The following PCDH15 variants were observed in gnomAD, a reference collection of about 807,000 sequenced individuals.
PCDH15 encodes protocadherin-15.
PCDH15 carries 129 observed loss-of-function variants against 178.5 expected under a neutral mutation model. The ratio of observed to expected loss-of-function variants is 0.72; its 90% confidence interval spans 0.63 to 0.84. The LOEUF (loss-of-function observed/expected upper bound fraction) is 0.84, where lower values mean the gene tolerates loss of function less well. PCDH15 is among the 40% of genes least tolerant of loss of function. The probability of loss-of-function intolerance (pLI) is 0.00; values close to 1 mark genes in which losing one functional copy is unlikely to be tolerated. For synonymous variants in PCDH15, 800 were observed against 732.0 expected, an observed-to-expected ratio of 1.09 and a Z score of -1.50; for missense variants, 2,230 against 2,099.9, an observed-to-expected ratio of 1.06 and a Z score of -1.21.
At chr10:53,982,383 C>T (rs191085420) in intron 21 of PCDH15, among the ~76,000 whole-genome samples, 2,177 of 152,002 alleles carry the variant, frequency 0.014, 62 homozygotes, top group East Asian at 0.12. Context: ...ATGTTTATTG[C>T]GGCACTATTC....
chr10:55,160,628 C>G (rs1839040773), intron 2 of PCDH15, among the ~76,000 whole-genome samples: 1 of 151,984 alleles, frequency 6.6e-6, no homozygotes, highest in South Asian at 2.1e-4. Flanking sequence ...TCTTCAGCAC[C>G]TTTGCATTTC....
intron 2 of PCDH15, among the ~76,000 whole-genome samples, chr10:55,135,923 C>T (rs1191084538): frequency 2.0e-5 from 3 of 152,056 alleles, no homozygotes; most frequent in African/African-American, 7.2e-5. Flanking sequence ...TTGTATATAG[C>T]ATCTTGAATC....
intron 2 of PCDH15, among the ~76,000 whole-genome samples, chr10:55,165,202 G>A (rs1185640014): frequency 6.6e-6 from 1 of 151,918 alleles, no homozygotes; most frequent in Non-Finnish European, 1.5e-5. Context: ...AACAAACGAT[G>A]AAATTATAAC....
intron 2 of PCDH15, among the ~76,000 whole-genome samples, chr10:55,471,076 T>C (rs1419143605): frequency 1.3e-5 from 2 of 152,166 alleles, no homozygotes; most frequent in African/African-American, 4.8e-5. Context: ...AAACGATATA[T>C]TGGTTGTTTC....
rs1256205325 is a variant in PCDH15, at chr10:54,068,965, C to A, written c.2092-2080G>T. Among the ~76,000 whole-genome samples the A allele has an allele frequency of 3.9e-5, 6 of 152,258 alleles. No individual in the cohort carries two copies. The East Asian group carries it at 1.2e-3, about 29-fold the overall frequency. On this transcript the variant is annotated intron_variant, in intron 17 of 37. Transcript: ENST00000644397. ...CAAGTGCTACTTGACTAGATGGAAT[C>A]CAGATCATTTCATTTTCCTCGTTAC...
chr10:53,810,590 A>T lies in PCDH15; in HGVS notation c.4637T>A (p.Val1546Asp). 6.2e-7 allele frequency: 1 copy of T among 1,613,798 alleles called. No homozygotes were observed. Among genetic ancestry groups the T allele is most frequent in the Non-Finnish European group, 8.5e-7 (1 of 1,179,812 alleles). The stretch of plus-strand genomic sequence containing the variant: ...CTCATATTCTTCCTCAGCTTCACCA[A>T]CCACCTCACCATATTCCTCCTGTCC... ...PAGQEEYGEV[V>D]GEAEEEYEEE... The change falls in exon 37 of 38, where the codon GTT (valine) becomes GAT (aspartate). Residue 1546 changes from valine (V) to aspartate (D), a missense_variant. Physicochemically the swap from Val to Asp is radical, Grantham distance 152. Coordinates refer to ENST00000644397, the MANE Select transcript of PCDH15 (RefSeq NM_001384140.1).
chr10:54,934,827 C>G (rs992293540), intron 2 of PCDH15, among the ~76,000 whole-genome samples: 2 of 151,776 alleles, frequency 1.3e-5, no homozygotes, highest in African/African-American at 2.4e-5. Flanking sequence ...TTGGAACCAA[C>G]CCAAATGTCC....
chr10:54,462,676 CTTAA>C (rs2077267517), intron 3 of PCDH15, among the ~76,000 whole-genome samples: 1 of 103,910 alleles, frequency 9.6e-6, no homozygotes, highest in Non-Finnish European at 1.9e-5. Context: ...ACCACACCTG[CTTAA>C]TTTTTTTTTT....
intron 2 of PCDH15, among the ~76,000 whole-genome samples, chr10:55,574,246 A>T (rs1244965283): frequency 6.6e-6 from 1 of 152,038 alleles, no homozygotes; most frequent in African/African-American, 2.4e-5. Context: ...CCATATATAC[A>T]ATATGACAAT....
chr10:53,938,591 C>T (rs1003176144), intron 25 of PCDH15, among the ~76,000 whole-genome samples: 3 of 152,056 alleles, frequency 2.0e-5, no homozygotes, highest in Non-Finnish European at 4.4e-5. Context: ...ATTGGATACA[C>T]AATTTGAAAA....
At chr10:55,315,436 T>A (rs921505070) in intron 1 of PCDH15, among the ~76,000 whole-genome samples, 2 of 152,154 alleles carry the variant, frequency 1.3e-5, no homozygotes, top group African/African-American at 4.8e-5. Context: ...TCCAAAGATA[T>A]AAATTATAGG....
At chr10:54,766,370 G>T (rs11813852) in intron 1 of PCDH15, among the ~76,000 whole-genome samples, 7,773 of 152,030 alleles carry the variant, frequency 0.051, 234 homozygotes, top group East Asian at 0.092. Flanking sequence ...GAGTTTAAGC[G>T]TATACTAAAT....
chr10:55,018,348 G>T (rs1260336483), intron 2 of PCDH15, among the ~76,000 whole-genome samples: 1 of 152,144 alleles, frequency 6.6e-6, no homozygotes, highest in Admixed American at 6.5e-5. Context: ...AAATGATGTT[G>T]TATTTGCACC....
At position 54,794,987 on chromosome 10, in the gene PCDH15, CTTTA is replaced by C. The variant is rs1322790924; in HGVS notation, c.-29+5934_-29+5937del. ...GAGTACTTTACTTTCTGGCAAATCT[CTTTA>C]TTTATCATAATCTGCCTTATAGCTA... On this transcript the variant is annotated intron_variant, in intron 1 of 37. Transcript: ENST00000644397. Among the ~76,000 whole-genome samples the C allele has an allele frequency of 2.6e-5, 4 of 151,810 alleles. No individual in the cohort carries two copies. In the East Asian group the frequency reaches 5.9e-4, roughly 22 times the overall value.
intron 2 of PCDH15, among the ~76,000 whole-genome samples, chr10:55,564,193 TATG>T (rs1842254926): frequency 6.6e-6 from 1 of 151,784 alleles, no homozygotes; most frequent in Non-Finnish European, 1.5e-5. Flanking sequence ...TTAAAATGAT[TATG>T]TTTTTGAATG....
chr10:55,311,470 A>G (rs1843585974), intron 1 of PCDH15, among the ~76,000 whole-genome samples: 1 of 152,216 alleles, frequency 6.6e-6, no homozygotes, highest in Admixed American at 6.5e-5. Flanking sequence ...GCTGTATCAC[A>G]GTGCCTGGCA....
At chr10:55,503,223 G>A (rs1840692727) in intron 2 of PCDH15, among the ~76,000 whole-genome samples, 1 of 150,708 alleles carries the variant, frequency 6.6e-6, no homozygotes, top group East Asian at 2.0e-4. Flanking sequence ...CAATTACAAA[G>A]TTTTACAATT....
chr10:55,359,747 TACACACAC>T (rs57691062), intron 2 of PCDH15, among the ~76,000 whole-genome samples: 6 of 81,662 alleles, frequency 7.3e-5, no homozygotes, highest in East Asian at 2.7e-4. Context: ...TATATATATA[TACACACAC>T]ACACACACAC....
At chr10:55,231,990 T>A (rs1307631728) in intron 1 of PCDH15, among the ~76,000 whole-genome samples, 1 of 152,012 alleles carries the variant, frequency 6.6e-6, no homozygotes, top group Non-Finnish European at 1.5e-5. Context: ...TGTGCCAGGT[T>A]TACAAAGAGT....
Sources: gnomAD v4.1 joint callset for allele counts (sites outside exome capture counted in the v4.1 genomes callset) on GRCh38, gnomAD v4.1.1 for gene constraint, MANE v1.5 for transcripts, NCBI Gene and HGNC (gene_info 2026-07-23, HGNC 2026-07-21) for gene names.